Variants in CSMD3 observed in about 807,000 individuals in gnomAD.
CSMD3 encodes CUB and Sushi multiple domains 3, also known as CUB and sushi domain-containing protein 3.
CSMD3 carries 177 observed loss-of-function variants against 435.2 expected under a neutral mutation model. The ratio of observed to expected loss-of-function variants is 0.41; its 90% CI spans 0.36 to 0.46. The LOEUF is 0.46. Ranked by LOEUF, CSMD3 falls within the 20% of genes least tolerant of loss-of-function variation. The pLI is 0.34. For synonymous variants in CSMD3, 1,656 were observed against 1,520.5 expected (o/e 1.09, Z -2.07); for missense variants, 4,265 against 4,504.6 (o/e 0.95, Z 1.52).
intron 1 of CSMD3, among the ~76,000 whole-genome samples, chr8:113,381,445 A>T (rs2094415126): frequency 6.6e-6 from 1 of 152,140 alleles, no homozygotes; most frequent in Non-Finnish European, 1.5e-5. Context: ...AAAGAAGATT[A>T]CTAATGTCCA....
At chr8:112,652,716 T>C (rs1344225643) in intron 18 of CSMD3, among the ~76,000 whole-genome samples, 1 of 152,106 alleles carries the variant, frequency 6.6e-6, no homozygotes, top group Non-Finnish European at 1.5e-5. Flanking sequence ...TGTTGCAAAA[T>C]TGAGAAAATG....
At chr8:112,899,658 T>G (rs2082053438) in intron 10 of CSMD3, among the ~76,000 whole-genome samples, 1 of 49,740 alleles carries the variant, frequency 2.0e-5, no homozygotes, top group South Asian at 6.9e-4. Flanking sequence ...TGTACGCAAA[T>G]ACATACACAC....
At chr8:112,632,468 T>C (rs1000419811) in intron 22 of CSMD3, among the ~76,000 whole-genome samples, 2 of 152,078 alleles carry the variant, frequency 1.3e-5, no homozygotes, top group Non-Finnish European at 2.9e-5. Flanking sequence ...TGAATTAATG[T>C]CTTTGAAATC....
At chr8:112,733,059 G>A (rs1318688647) in intron 13 of CSMD3, among the ~76,000 whole-genome samples, 1 of 152,070 alleles carries the variant, frequency 6.6e-6, no homozygotes, top group East Asian at 1.9e-4. Flanking sequence ...TTAATAATAT[G>A]TTAGACCTTT....
chr8:112,594,461 A>G lies in CSMD3; in HGVS notation c.3716-7226T>C, dbSNP rs377550620. ...GGGGGAGGGGCGCCCGCCATTGCCC[A>G]GGCTTGCTTAGGTAAACAAAGCAGC... On this transcript the variant is annotated intron_variant, in intron 22 of 70. Transcript: ENST00000297405. Among the ~76,000 whole-genome samples, 12 of 152,314 alleles carry G rather than the reference A, an allele frequency of 7.9e-5. No individual in the cohort carries two copies. In the South Asian group the frequency reaches 1.4e-3, roughly 18 times the overall value.
intron 1 of CSMD3, among the ~76,000 whole-genome samples, chr8:113,382,149 T>C (rs1253861508): frequency 6.6e-6 from 1 of 152,184 alleles, no homozygotes; most frequent in Admixed American, 6.5e-5. Context: ...TACAAAATTA[T>C]AATTCTTTAA....
intron 3 of CSMD3, among the ~76,000 whole-genome samples, chr8:113,221,668 C>T (rs1286120004): frequency 6.6e-6 from 1 of 151,226 alleles, no homozygotes; most frequent in African/African-American, 2.4e-5. Context: ...GCAAAATACT[C>T]ACCTGAGGGC....
intron 13 of CSMD3, among the ~76,000 whole-genome samples, chr8:112,717,196 C>G (rs1406083725): frequency 6.6e-6 from 1 of 151,452 alleles, no homozygotes; most frequent in Non-Finnish European, 1.5e-5. Context: ...TATCCAGAAT[C>G]TACAAGAAAC....
chr8:113,076,839 G>T (rs1464327414), intron 5 of CSMD3, among the ~76,000 whole-genome samples: 1 of 152,070 alleles, frequency 6.6e-6, no homozygotes, highest in African/African-American at 2.4e-5. Flanking sequence ...TAATGTCACT[G>T]GAAGCACAAA....
intron 38 of CSMD3, among the ~76,000 whole-genome samples, chr8:112,371,078 G>T (rs181418114): frequency 6.6e-6 from 1 of 152,134 alleles, no homozygotes; most frequent in African/African-American, 2.4e-5. Context: ...CAGCTGCCCA[G>T]ATTTCCCCTG....
In CSMD3 at chr8:112,341,473, T is replaced by C. The variant is rs1315604517; in HGVS notation, c.6652+4A>G. 6.4e-7 allele frequency: 1 copy of C among 1,571,810 alleles called. No individual in the cohort carries two copies. The highest frequency in any genetic ancestry group is 1.1e-5 in the South Asian group (1 of 90,086). Reference sequence around the variant, plus strand: ...AAATTTTCATTTTTTATTATTTCTCTTACCTTGGTATACAATATGAAACCC... The same window carrying C: ...AAATTTTCATTTTTTATTATTTCTCCTACCTTGGTATACAATATGAAACCC... On this transcript the variant is annotated splice_donor_region_variant and intron_variant, in intron 42 of 70. Transcript: ENST00000297405.
At position 113,009,567 on chromosome 8, in the gene CSMD3, C is replaced by T. The variant is rs537510798; in HGVS notation, c.1030+9500G>A. On this transcript the variant is annotated intron_variant, in intron 6 of 70. Coordinates refer to ENST00000297405, the MANE Select transcript of CSMD3 (RefSeq NM_198123.2). ...TGAAAAACTAGAAAAATTGTGTTCA[C>T]TTGGAAATCTGACAGAGTATATGAC... 7.3e-5 allele frequency among the ~76,000 whole-genome samples: 11 copies of T among 151,544 alleles called. No individual in the cohort carries two copies. The South Asian group carries it at 2.3e-3, about 32-fold the overall frequency.
At chr8:113,419,322 C>T (rs558759520) in intron 1 of CSMD3, among the ~76,000 whole-genome samples, 19 of 151,890 alleles carry the variant, frequency 1.3e-4, no homozygotes, top group African/African-American at 3.4e-4. Context: ...TTCACCATGT[C>T]GGCCAAGCTG....
chr8:113,332,590 C>T (rs12545118), intron 1 of CSMD3, among the ~76,000 whole-genome samples: 95,103 of 151,242 alleles, frequency 0.63, 30,793 homozygotes, highest in East Asian at 0.75. Context: ...GACTTTTATA[C>T]TAAATACTAC....
rs74638918 is a variant in CSMD3, at chr8:113,115,809, T to C, written c.710-16846A>G. ...AATGCTTGTGTCCCATCAAAATTAA[T>C]ATGTTTAAATCTTATCTTCTGAGGC... On this transcript the variant is annotated intron_variant, in intron 4 of 70. Coordinates refer to ENST00000297405, the MANE Select transcript of CSMD3 (RefSeq NM_198123.2). 6.7e-3 allele frequency among the ~76,000 whole-genome samples: 1,018 copies of C among 152,322 alleles called. 13 individuals carry two copies. The highest frequency in any genetic ancestry group is 0.024 in the African/African-American group (980 of 41,572).
chr8:112,278,126 C>A (rs1228560408), intron 59 of CSMD3, among the ~76,000 whole-genome samples: 2 of 152,134 alleles, frequency 1.3e-5, no homozygotes, highest in East Asian at 1.9e-4. Context: ...GGGGAGGGGG[C>A]AGTTGATCAT....
intron 38 of CSMD3, among the ~76,000 whole-genome samples, chr8:112,365,829 G>C (rs192064605): frequency 1.5e-4 from 23 of 152,226 alleles, no homozygotes; most frequent in Admixed American, 1.3e-3. Flanking sequence ...ATATCATCTC[G>C]TTTGTGCTCT....
At chr8:113,400,004 A>G (rs1301099086) in intron 1 of CSMD3, among the ~76,000 whole-genome samples, 1 of 151,860 alleles carries the variant, frequency 6.6e-6, no homozygotes, top group Non-Finnish European at 1.5e-5. Flanking sequence ...TTAAATAACA[A>G]CTTATGGGAA....
intron 32 of CSMD3, among the ~76,000 whole-genome samples, chr8:112,423,570 C>T (rs1026821717): frequency 6.6e-6 from 1 of 152,078 alleles, no homozygotes; most frequent in Non-Finnish European, 1.5e-5. Flanking sequence ...CCATGTCAGC[C>T]TCCCTAGTAG....
Sources: gnomAD v4.1 joint callset for allele counts (sites outside exome capture counted in the v4.1 genomes callset) on GRCh38, gnomAD v4.1.1 for gene constraint, MANE v1.5 for transcripts, NCBI Gene and HGNC (gene_info 2026-07-23, HGNC 2026-07-21) for gene names.